Variants in PRKD1 observed in about 807,000 individuals in gnomAD.
The protein encoded by PRKD1 is protein kinase D1.
A neutral mutation model predicts 95.9 loss-of-function variants in PRKD1; 63 were observed. The observed-to-expected ratio is 0.66, with a 90% CI of 0.54 to 0.81. The LOEUF (loss-of-function observed/expected upper bound fraction) is 0.81, where lower values mean the gene tolerates loss of function less well. Ranked by LOEUF, PRKD1 falls within the 30% of genes least tolerant of loss-of-function variation. PRKD1 has a pLI of 0.00. For missense variants in PRKD1, 1,048 were observed against 1,165.3 expected (o/e 0.90, Z 1.47); for synonymous variants, 425 against 423.1 (o/e 1.00, Z -0.05).
At chr14:29,788,408 A>C (rs1889370946) in intron 1 of PRKD1, among the ~76,000 whole-genome samples, 1 of 152,102 alleles carries the variant, frequency 6.6e-6, no homozygotes, top group East Asian at 1.9e-4. Flanking sequence ...GACCTTTTGG[A>C]ATTGAATCAG....
At chr14:29,625,038 A>C (rs1233136017) in intron 12 of PRKD1, among the ~76,000 whole-genome samples, 8 of 152,186 alleles carry the variant, frequency 5.3e-5, no homozygotes, top group Admixed American at 5.2e-4. Flanking sequence ...GGATCTAATT[A>C]CTCAAACTTT....
At chr14:29,777,621 C>A (rs143038113) in intron 1 of PRKD1, among the ~76,000 whole-genome samples, 1 of 152,160 alleles carries the variant, frequency 6.6e-6, no homozygotes, top group Non-Finnish European at 1.5e-5. Flanking sequence ...GAACCCAATA[C>A]GGGAGCACCC....
intron 1 of PRKD1, among the ~76,000 whole-genome samples, chr14:29,893,897 C>G (rs776483599): frequency 6.6e-6 from 1 of 152,198 alleles, no homozygotes; most frequent in Admixed American, 6.6e-5. Flanking sequence ...CTAGTGAGTG[C>G]TCTGTATGTA....
chr14:29,622,310 G>C (rs977247154), intron 13 of PRKD1, among the ~76,000 whole-genome samples: 2 of 152,008 alleles, frequency 1.3e-5, no homozygotes, highest in African/African-American at 4.8e-5. Flanking sequence ...GGGGACTGAG[G>C]ACCTCTGTTT....
chr14:29,927,083 G>C (rs1566675995), intron 1 of PRKD1, among the ~76,000 whole-genome samples, 166 bp downstream of exon 1: 1 of 152,004 alleles, frequency 6.6e-6, no homozygotes, highest in Non-Finnish European at 1.5e-5. Context: ...CAGCGCCTCG[G>C]GTTGCAGGCG....
At chr14:29,719,146 C>T (rs1308706863) in intron 2 of PRKD1, among the ~76,000 whole-genome samples, 1 of 152,028 alleles carries the variant, frequency 6.6e-6, no homozygotes, top group African/African-American at 2.4e-5. Flanking sequence ...AGGAGTAAAA[C>T]ATGCTTATAA....
intron 13 of PRKD1, among the ~76,000 whole-genome samples, chr14:29,615,664 C>G (rs1486259405): frequency 6.6e-6 from 1 of 152,212 alleles, no homozygotes; most frequent in Non-Finnish European, 1.5e-5. Context: ...CTTCTAACTA[C>G]TTGTATCTGA....
chr14:29,632,376 G>A (rs1334190010), intron 9 of PRKD1, among the ~76,000 whole-genome samples: 3 of 151,654 alleles, frequency 2.0e-5, no homozygotes, highest in African/African-American at 7.3e-5. Context: ...GATATAGTAT[G>A]CCACATCTGT....
At chr14:29,830,527 G>A (rs1891361577) in intron 1 of PRKD1, among the ~76,000 whole-genome samples, 1 of 152,118 alleles carries the variant, frequency 6.6e-6, no homozygotes, top group South Asian at 2.1e-4. Context: ...GTGTGTGTGT[G>A]TATTTAACCA....
chr14:29,688,315 C>A (rs1884003274), intron 2 of PRKD1, among the ~76,000 whole-genome samples: 1 of 152,100 alleles, frequency 6.6e-6, no homozygotes, highest in Admixed American at 6.5e-5. Context: ...ACATTTGCAA[C>A]CTTAATTCTC....
intron 2 of PRKD1, among the ~76,000 whole-genome samples, chr14:29,685,490 T>G (rs544613386): frequency 3.3e-5 from 5 of 152,178 alleles, no homozygotes; most frequent in Non-Finnish European, 7.4e-5. Context: ...TTCAAAACTC[T>G]TTTAGGATAA....
intron 16 of PRKD1, among the ~76,000 whole-genome samples, chr14:29,588,346 G>C (rs1893007337): frequency 6.6e-6 from 1 of 152,100 alleles, no homozygotes; most frequent in African/African-American, 2.4e-5. Flanking sequence ...TAATGGTGCT[G>C]GGCTTTTATT....
intron 1 of PRKD1, among the ~76,000 whole-genome samples, chr14:29,770,620 T>A (rs934942218): frequency 3.3e-5 from 5 of 152,172 alleles, no homozygotes; most frequent in African/African-American, 4.8e-5. Flanking sequence ...TGTTCTGGTA[T>A]TTTTGTGTGA....
At chr14:29,705,903 T>C (rs576189307) in intron 2 of PRKD1, among the ~76,000 whole-genome samples, 7 of 141,636 alleles carry the variant, frequency 4.9e-5, no homozygotes, top group African/African-American at 1.7e-4. Context: ...CTTTTGGCTA[T>C]AATTAATAAT....
intron 1 of PRKD1, among the ~76,000 whole-genome samples, chr14:29,882,906 C>A (rs118186369): frequency 4.9e-4 from 75 of 152,216 alleles, no homozygotes; most frequent in African/African-American, 1.6e-3. Flanking sequence ...TTTAGCCATT[C>A]GTCCATCAAT....
chr14:29,723,823 G>C (rs1402344715), intron 2 of PRKD1, among the ~76,000 whole-genome samples: 1 of 152,164 alleles, frequency 6.6e-6, no homozygotes, highest in African/African-American at 2.4e-5. Context: ...GCTGGTAAGA[G>C]TAAGGGAGCC....
intron 1 of PRKD1, among the ~76,000 whole-genome samples, chr14:29,738,001 C>CA (rs576706937): frequency 2.7e-3 from 414 of 152,050 alleles, no homozygotes; most frequent in Admixed American, 8.4e-3. Context: ...GTTGTAACAA[C>CA]AAAAAATGTA....
At chr14:29,828,758 A>T (rs1891292925) in intron 1 of PRKD1, among the ~76,000 whole-genome samples, 2 of 152,222 alleles carry the variant, frequency 1.3e-5, no homozygotes, top group South Asian at 4.1e-4. Context: ...TGAATTAGAT[A>T]TAAACACCTT....
At chr14:29,810,458 T>C (rs1455603758) in intron 1 of PRKD1, among the ~76,000 whole-genome samples, 1 of 152,256 alleles carries the variant, frequency 6.6e-6, no homozygotes. Context: ...AATACTTCAA[T>C]CTACATTTAC....
Sources: gnomAD v4.1 joint callset for allele counts (sites outside exome capture counted in the v4.1 genomes callset) on GRCh38, gnomAD v4.1.1 for gene constraint, MANE v1.5 for transcripts, NCBI Gene and HGNC (gene_info 2026-07-23, HGNC 2026-07-21) for gene names.